DHX32: variants seen among roughly 807,000 people sequenced by gnomAD.
DHX32 encodes DEAH-box helicase 32 (putative).
Under a neutral mutation model 70.0 loss-of-function variants are expected in DHX32, and 51 were observed. That is an observed-to-expected ratio of 0.73 (90% confidence interval 0.58 to 0.92). DHX32 has a LOEUF of 0.92. Ranked by LOEUF, DHX32 falls within the 40% of genes least tolerant of loss-of-function variation. DHX32 has a pLI of 0.00. For missense variants in DHX32, 762 were observed against 891.8 expected (o/e 0.85, Z 1.85); for synonymous variants, 310 against 315.3 (o/e 0.98, Z 0.18).
chr10:125,851,978 C>T (rs1156900486), intron 6 of DHX32, among the ~76,000 whole-genome samples: 2 of 150,418 alleles, frequency 1.3e-5, no homozygotes, highest in Non-Finnish European at 3.0e-5. Context: ...GCTGAGAATT[C>T]TTCTTTCTGC....
chr10:125,868,240 G>A (rs1388249650), intron 1 of DHX32, among the ~76,000 whole-genome samples: 2 of 152,106 alleles, frequency 1.3e-5, no homozygotes, highest in African/African-American at 4.8e-5. Flanking sequence ...TATTATAGTA[G>A]AATGTACTGA....
chr10:125,859,869 C>G lies in DHX32; in HGVS notation c.583G>C (p.Asp195His), dbSNP rs368470851. 6.2e-7 allele frequency: 1 copy of G among 1,613,992 alleles called. No homozygotes were observed. Among genetic ancestry groups the G allele is most frequent in the Non-Finnish European group, 8.5e-7 (1 of 1,180,022 alleles). ...DDIHERSIAT[D>H]VLLGLLKDVL... ...TCTTTAAGAAGTCCAAGTAACACAT[C>G]AGTTGCAATGCTTCTTTCATGAATA... is the stretch of plus-strand genomic sequence containing the variant. The change falls in exon 3 of 11, where the codon GAT becomes CAT. Residue 195 changes from aspartate (D) to histidine (H), a missense_variant. By Grantham distance (81) the Asp-to-His change is moderately conservative (BLOSUM62 -1). Coordinates refer to ENST00000284690, the MANE Select transcript of DHX32 (RefSeq NM_018180.3).
intron 2 of DHX32, among the ~76,000 whole-genome samples, chr10:125,865,743 G>C (rs760178365): frequency 2.6e-5 from 4 of 152,052 alleles, no homozygotes; most frequent in Non-Finnish European, 5.9e-5. Flanking sequence ...TGCCTAGTCT[G>C]GTCTCAAACT....
chr10:125,836,479 C>T lies in DHX32; in HGVS notation c.*208G>A. On this transcript the variant is annotated 3_prime_UTR_variant, in exon 11 of 11. Coordinates refer to ENST00000284690, the MANE Select transcript of DHX32 (RefSeq NM_018180.3). The stretch of plus-strand genomic sequence containing the variant: ...ATGAGTGGTTGATTTAAAAACTTTT[C>T]CAAGAAGAAGAAAAGCATGGAGTAG... 1 of 1,384,150 alleles carries T rather than the reference C, an allele frequency of 7.2e-7. No individual in the cohort carries two copies. Among genetic ancestry groups the T allele is most frequent in the Non-Finnish European group, 9.4e-7 (1 of 1,066,320 alleles). The allele number at this position is 1,384,150 out of a possible 1,614,324, so 85.7% of individuals were successfully genotyped here. A position where few individuals can be genotyped will look rare whatever the true frequency, so the allele number is the denominator to read the frequency against.
chr10:125,872,367 GT>G (rs1944260897), intron 1 of DHX32, among the ~76,000 whole-genome samples: 1 of 152,172 alleles, frequency 6.6e-6, no homozygotes, highest in African/African-American at 2.4e-5. Context: ...AGCTTAAATA[GT>G]TGTACCTTTC....
intron 6 of DHX32, among the ~76,000 whole-genome samples, chr10:125,850,354 C>CTTTTTT (rs765077777): frequency 8.0e-6 from 1 of 124,556 alleles, no homozygotes; most frequent in African/African-American, 3.1e-5. Context: ...TTCTTTCTTT[C>CTTTTTT]TTTTTTTTTT....
At chr10:125,840,826 A>G in intron 8 of DHX32, 21 bp downstream of exon 8, 2 of 1,553,534 alleles carry the variant, frequency 1.3e-6, no homozygotes, top group Non-Finnish European at 1.7e-6. Context: ...ATTAATAGGT[A>G]GTTTCTGAGC....
At position 125,842,078 on chromosome 10, in the gene DHX32, G is replaced by GGA. The variant is rs916866049; in HGVS notation, c.1352-146_1352-145dup. On this transcript the variant is annotated intron_variant, in intron 6 of 10. Transcript: ENST00000284690. ...CGGTTTGCAAGCCACCAAATACCAG[G>GGA]GAGTGAAGGATAGTGATTCTTGAGA... 51 of 1,076,144 alleles carry GGA rather than the reference G, an allele frequency of 4.7e-5. No individual in the cohort carries two copies. The African/African-American group carries it at 6.5e-4, about 14-fold the overall frequency. The allele number at this position is 1,076,144 out of a possible 1,614,324, so 66.7% of individuals were successfully genotyped here.
chr10:125,881,672 G>A (rs962722404), upstream of DHX32, among the ~76,000 whole-genome samples: 5 of 152,100 alleles, frequency 3.3e-5, no homozygotes, highest in African/African-American at 1.2e-4. Context: ...AAAAGACAGG[G>A]TCTCGCTCTG....
chr10:125,859,033 GTTTGTTTGTTTGT>G (rs1290389514), intron 3 of DHX32, among the ~76,000 whole-genome samples: 2,035 of 138,248 alleles, frequency 0.015, 17 homozygotes, highest in Non-Finnish European at 0.022. Context: ...TTTTTTTTTT[GTTTGTTTGTTTGT>G]TTTTTTTTTT....
upstream of DHX32, among the ~76,000 whole-genome samples, chr10:125,885,249 G>C (rs1490310977): frequency 6.6e-6 from 1 of 151,994 alleles, no homozygotes; most frequent in Non-Finnish European, 1.5e-5. Flanking sequence ...CTGGTCCTTC[G>C]ACTGATGTGG....
chr10:125,852,445 A>G lies in DHX32; in HGVS notation c.1199T>C (p.Phe400Ser), dbSNP rs1267004398. ...QILGSSSSGKFFCLYTEEFAS... is the reference protein window; with the variant it reads ...QILGSSSSGKSFCLYTEEFAS... ...AAATTCTTCAGTGTACAGGCAGAAAAATTTTCCTAAAAGACACCAAGAAAA... is the reference window on the plus strand; with the variant it reads ...AAATTCTTCAGTGTACAGGCAGAAAGATTTTCCTAAAAGACACCAAGAAAA... Residue 400 changes from phenylalanine to serine, a missense_variant, in exon 6 of 11, where the codon TTT becomes TCT. Transcript: ENST00000284690. 6.2e-7 allele frequency: 1 copy of G among 1,613,810 alleles called. No homozygotes were observed. Among genetic ancestry groups the G allele is most frequent in the Non-Finnish European group, 8.5e-7 (1 of 1,179,974 alleles).
Position 125,840,996 on chromosome 10 carries a change from G to A in DHX32, c.1544C>T (p.Ala515Val). 6.3e-7 allele frequency: 1 copy of A among 1,591,900 alleles called. No individual in the cohort carries two copies. Among genetic ancestry groups the A allele is most frequent in the Non-Finnish European group, 8.6e-7 (1 of 1,166,802 alleles). The change falls in exon 8 of 11, where the codon GCT becomes GTT. Residue 515 changes from alanine (A) to valine (V), a missense_variant and splice_region_variant. Coordinates refer to ENST00000284690, the MANE Select transcript of DHX32 (RefSeq NM_018180.3). ...EVLTIAAMVT[A>V]PNCFSHVPHG... ...TGGCACATGTGAAAAGCAATTTGGA[G>A]CTTCAAAATGAAAAAGGTCACATGG...
intron 2 of DHX32, among the ~76,000 whole-genome samples, chr10:125,865,258 G>A (rs1944213983): frequency 6.6e-6 from 1 of 152,168 alleles, no homozygotes; most frequent in Admixed American, 6.5e-5. Flanking sequence ...TAGTTTGTGA[G>A]CTCCTAAGAA....
chr10:125,837,522 G>T (rs1310170072), intron 10 of DHX32, among the ~76,000 whole-genome samples: 3 of 152,108 alleles, frequency 2.0e-5, no homozygotes, highest in Non-Finnish European at 4.4e-5. Context: ...TGACCTCCTG[G>T]GCTCAAGCGA....
intron 3 of DHX32, among the ~76,000 whole-genome samples, chr10:125,855,165 C>T (rs1393169101): frequency 6.7e-6 from 1 of 148,704 alleles, no homozygotes; most frequent in South Asian, 2.1e-4. Flanking sequence ...GAGGTTGCAG[C>T]GAGCCGAGAT....
chr10:125,838,201 C>A lies in DHX32; in HGVS notation c.2063+5G>T. On this transcript the variant is annotated splice_donor_5th_base_variant and intron_variant, in intron 10 of 10. Transcript: ENST00000284690. ...ATACAACCCTTTCTTCTCCATTAAA[C>A]TTACAGTTCAGGAGAGATTTCTGAG... The A allele has an allele frequency of 6.4e-7, 1 of 1,572,926 alleles. No individual in the cohort carries two copies.
At chr10:125,841,965 G>T in intron 6 of DHX32, 31 bp from the exon 7 acceptor site, 1 of 1,546,300 alleles carries the variant, frequency 6.5e-7, no homozygotes, top group East Asian at 2.3e-5. Context: ...TAATTTAAGA[G>T]TCTCATATGG....
chr10:125,860,866 C>G (rs1428897681), intron 2 of DHX32, among the ~76,000 whole-genome samples: 1 of 148,370 alleles, frequency 6.7e-6, no homozygotes, highest in Admixed American at 6.8e-5. Context: ...CGCCATTCTG[C>G]CTCAGCCTCC....
Sources: gnomAD v4.1 joint callset for allele counts (sites outside exome capture counted in the v4.1 genomes callset) on GRCh38, gnomAD v4.1.1 for gene constraint, MANE v1.5 for transcripts, NCBI Gene and HGNC (gene_info 2026-07-23, HGNC 2026-07-21) for gene names.